MAML3: variants seen among roughly 807,000 people sequenced by gnomAD.
MAML3 encodes mastermind like transcriptional coactivator 3, also known as mastermind-like protein 3.
A neutral mutation model predicts 101.9 loss-of-function variants in MAML3; 27 were observed. The ratio of observed to expected loss-of-function variants is 0.27; its 90% CI spans 0.20 to 0.37. MAML3 has a LOEUF of 0.37. MAML3 is among the 10% of genes least tolerant of loss of function. The pLI, the probability that MAML3 is intolerant of heterozygous loss-of-function variation, is 1.00. For synonymous variants in MAML3, 501 were observed against 555.9 expected, an observed-to-expected ratio of 0.90 and a Z score of 1.39; for missense variants, 1,316 against 1,444.9, an observed-to-expected ratio of 0.91 and a Z score of 1.45.
intron 1 of MAML3, among the ~76,000 whole-genome samples, chr4:139,960,650 AAC>A (rs1733994423): frequency 6.6e-6 from 1 of 152,192 alleles, no homozygotes; most frequent in African/African-American, 2.4e-5. Flanking sequence ...GGGAAAAATT[AAC>A]AGCAGGAACT....
At chr4:140,152,742 C>T in intron 1 of MAML3, 118 bp downstream of exon 1, 1 of 1,466,536 alleles carries the variant, frequency 6.8e-7, no homozygotes, top group Non-Finnish European at 9.0e-7. Flanking sequence ...GGCTTCAGCC[C>T]ACCTCACCCA....
In MAML3 at chr4:140,140,308, G is replaced by T. The variant is rs146011923; in HGVS notation, c.468+12552C>A. On this transcript the variant is annotated intron_variant, in intron 1 of 4. Coordinates refer to ENST00000509479, the MANE Select transcript of MAML3 (RefSeq NM_018717.5). ...CACTGCACTCCAGCCTGGGTGACAG[G>T]GTGAGATTCCGTCTCAAAAAATAAA... is the stretch of plus-strand genomic sequence containing the variant. Among the ~76,000 whole-genome samples, 716 of 151,508 alleles carry T rather than the reference G, an allele frequency of 4.7e-3. 7 individuals are homozygous for T. Among genetic ancestry groups the T allele is most frequent in the African/African-American group, 0.016 (678 of 41,260 alleles).
chr4:139,942,619 T>A (rs1322313318), intron 1 of MAML3, among the ~76,000 whole-genome samples: 2 of 152,092 alleles, frequency 1.3e-5, no homozygotes, highest in Non-Finnish European at 2.9e-5. Flanking sequence ...TTCAAGAAGA[T>A]ATAATTTCAT....
intron 1 of MAML3, among the ~76,000 whole-genome samples, chr4:140,023,086 G>A (rs1282359072): frequency 6.6e-6 from 1 of 152,132 alleles, no homozygotes; most frequent in African/African-American, 2.4e-5. Flanking sequence ...TATAATATAT[G>A]GAACCCAGGT....
intron 1 of MAML3, among the ~76,000 whole-genome samples, chr4:140,049,177 G>A (rs964901196): frequency 6.6e-6 from 1 of 152,060 alleles, no homozygotes; most frequent in Non-Finnish European, 1.5e-5. Flanking sequence ...GGCATTTATC[G>A]CAAGTACAGC....
At chr4:139,746,879 AGGGAGAATCGGGT>A (rs1729340958) in intron 2 of MAML3, among the ~76,000 whole-genome samples, 1 of 152,194 alleles carries the variant, frequency 6.6e-6, no homozygotes, top group Non-Finnish European at 1.5e-5. Context: ...TAAAAAGCCT[AGGGAGAATCGGGT>A]GGGAGGGGGT....
At chr4:139,761,261 T>C (rs151093965) in intron 2 of MAML3, among the ~76,000 whole-genome samples, 2,177 of 152,302 alleles carry the variant, frequency 0.014, 45 homozygotes, top group African/African-American at 0.045. Context: ...CACCCGGCCC[T>C]AGAGGACAGC....
At chr4:139,993,928 C>T (rs1734752782) in intron 1 of MAML3, among the ~76,000 whole-genome samples, 1 of 152,100 alleles carries the variant, frequency 6.6e-6, no homozygotes, top group South Asian at 2.1e-4. Context: ...TTGCCAAAAC[C>T]CAGGTAACAA....
At chr4:139,755,469 G>A (rs2111046898) in intron 2 of MAML3, among the ~76,000 whole-genome samples, 1 of 152,280 alleles carries the variant, frequency 6.6e-6, no homozygotes, top group South Asian at 2.1e-4. Context: ...TTAGCCGGGT[G>A]TGGTGGTGGG....
At position 139,852,670 on chromosome 4, in the gene MAML3, CT is replaced by C. The variant is rs552498156; in HGVS notation, c.2079+36686del. Among the ~76,000 whole-genome samples the C allele has an allele frequency of 2.6e-4, 39 of 152,272 alleles. No homozygotes were observed. In the South Asian group the frequency reaches 7.5e-3, roughly 29 times the overall value. Reference sequence around the variant, plus strand: ...CATCAAGTGATCCGCCCACCTCAGCCTCCCAAAGTGCTGGGATTACAGGTGT... The same window carrying C: ...CATCAAGTGATCCGCCCACCTCAGCCCCCAAAGTGCTGGGATTACAGGTGT... On this transcript the variant is annotated intron_variant, in intron 2 of 4. Coordinates refer to ENST00000509479, the MANE Select transcript of MAML3 (RefSeq NM_018717.5).
intron 1 of MAML3, among the ~76,000 whole-genome samples, chr4:140,085,986 G>A (rs2110974872): frequency 6.6e-6 from 1 of 152,258 alleles, no homozygotes; most frequent in East Asian, 1.9e-4. Flanking sequence ...ATTTACTTTA[G>A]TGAAGAAAAT....
rs145475732 is a variant in MAML3 at position 139,936,736 on chromosome 4, C to A, written c.469-45769G>T. On this transcript the variant is annotated intron_variant, in intron 1 of 4. Coordinates refer to ENST00000509479, the MANE Select transcript of MAML3 (RefSeq NM_018717.5). ...AAAACAACAAAAGTTGAAAAAAATA[C>A]CTGAGATATCTTTGTTTGCCCTTAC... Among the ~76,000 whole-genome samples, 275 of 152,234 alleles carry A rather than the reference C, an allele frequency of 1.8e-3. 1 individual carries two copies. Among genetic ancestry groups the A allele is most frequent in the African/African-American group, 6.4e-3 (266 of 41,538 alleles).
At chr4:139,988,042 A>AAT (rs35949967) in intron 1 of MAML3, among the ~76,000 whole-genome samples, 1 of 131,522 alleles carries the variant, frequency 7.6e-6, no homozygotes, top group East Asian at 2.3e-4. Flanking sequence ...AAAAAAAAAA[A>AAT]GGAAGAAAGA....
chr4:139,730,268 T>G, intron 3 of MAML3, 148 bp downstream of exon 3: 1 of 710,840 alleles, frequency 1.4e-6, no homozygotes, highest in Non-Finnish European at 2.3e-6. Flanking sequence ...AGGTCTAAAT[T>G]CTTCAGGTTC....
chr4:139,748,274 C>A (rs1729389619), intron 2 of MAML3, among the ~76,000 whole-genome samples: 1 of 151,946 alleles, frequency 6.6e-6, no homozygotes, highest in South Asian at 2.1e-4. Context: ...AAGACACTCC[C>A]TAGGCTGGGG....
intron 1 of MAML3, among the ~76,000 whole-genome samples, chr4:139,986,532 C>T (rs560979732): frequency 1.3e-5 from 2 of 152,146 alleles, no homozygotes; most frequent in Non-Finnish European, 2.9e-5. Flanking sequence ...GCATTACAAA[C>T]AACTCTCCAG....
chr4:140,146,238 T>C (rs1291170417), intron 1 of MAML3, among the ~76,000 whole-genome samples: 2 of 152,186 alleles, frequency 1.3e-5, no homozygotes, highest in African/African-American at 2.4e-5. Context: ...TAGTAGTAAC[T>C]TCCTGCTCCT....
chr4:140,075,437 C>T (rs1024623241), intron 1 of MAML3, among the ~76,000 whole-genome samples: 2 of 152,162 alleles, frequency 1.3e-5, no homozygotes, highest in African/African-American at 4.8e-5. Context: ...TTAATGAGTT[C>T]GCTAACCAAT....
intron 1 of MAML3, among the ~76,000 whole-genome samples, chr4:139,921,581 T>C (rs985531934): frequency 6.6e-6 from 1 of 152,084 alleles, no homozygotes. Context: ...TCTAACATAA[T>C]GAGATATTAA....
Sources: gnomAD v4.1 joint callset for allele counts (sites outside exome capture counted in the v4.1 genomes callset) on GRCh38, gnomAD v4.1.1 for gene constraint, MANE v1.5 for transcripts, NCBI Gene and HGNC (gene_info 2026-07-23, HGNC 2026-07-21) for gene names.